Variants in ZNF678 observed in about 807,000 individuals in gnomAD.
ZNF678 encodes hypothetical protein MGC42493.
A neutral mutation model predicts 3.0 loss-of-function variants in ZNF678; 5 were observed. The observed-to-expected ratio is 1.69, with a 90% CI of 0.88 to 3.56. The LOEUF (loss-of-function observed/expected upper bound fraction) is 3.56, where lower values mean the gene tolerates loss of function less well. ZNF678 is among the 30% of genes most tolerant of loss of function. The pLI is 0.00. For missense variants in ZNF678, 593 were observed against 605.0 expected, an observed-to-expected ratio of 0.98 and a Z score of 0.21; for synonymous variants, 218 against 199.6, an observed-to-expected ratio of 1.09 and a Z score of -0.78.
chr1:227,584,461 G>A (rs373902325), intron 1 of ZNF678, among the ~76,000 whole-genome samples: 31 of 152,088 alleles, frequency 2.0e-4, no homozygotes, highest in African/African-American at 7.0e-4. Flanking sequence ...ACTACAGCTA[G>A]GTATTTACCT....
intron 5 of ZNF678, among the ~76,000 whole-genome samples, chr1:227,673,233 A>G (rs1260533150): frequency 6.6e-6 from 1 of 151,638 alleles, no homozygotes; most frequent in African/African-American, 2.4e-5. Flanking sequence ...ATAATTTTTC[A>G]CCTCTGAGCC....
intron 1 of ZNF678, among the ~76,000 whole-genome samples, chr1:227,572,724 A>G (rs570812398): frequency 2.0e-5 from 3 of 152,352 alleles, no homozygotes; most frequent in Admixed American, 2.0e-4. Flanking sequence ...CTCACTAGCC[A>G]TGGAAAGAGC....
chr1:227,616,163 A>C (rs1282050380), intron 1 of ZNF678, among the ~76,000 whole-genome samples: 1 of 152,080 alleles, frequency 6.6e-6, no homozygotes, highest in Non-Finnish European at 1.5e-5. Flanking sequence ...CTGTTTACCT[A>C]TTTTCTTACC....
intron 1 of ZNF678, among the ~76,000 whole-genome samples, chr1:227,604,447 A>G (rs1212524956): frequency 6.6e-6 from 1 of 152,074 alleles, no homozygotes; most frequent in Non-Finnish European, 1.5e-5. Flanking sequence ...GTGCAATGGC[A>G]TGCTTATGGC....
rs572906797 is a variant in ZNF678, at chr1:227,591,397, A to G, written c.-164+27673A>G. ...TTTTTAAATTTAAGTAGCCTAAATG[A>G]CACAAGACCAGTATCTACATTTATT... On this transcript the variant is annotated intron_variant, in intron 1 of 3. Coordinates refer to ENST00000343776, the MANE Select transcript of ZNF678 (RefSeq NM_001367909.1). Among the ~76,000 whole-genome samples the G allele has an allele frequency of 7.2e-5, 11 of 152,320 alleles. No individual in the cohort carries two copies. In the South Asian group the frequency reaches 2.3e-3, roughly 32 times the overall value.
chr1:227,591,979 G>A (rs897019475), intron 1 of ZNF678, among the ~76,000 whole-genome samples: 1 of 152,132 alleles, frequency 6.6e-6, no homozygotes, highest in Non-Finnish European at 1.5e-5. Flanking sequence ...CTGGAGGAGG[G>A]CTTGTCTTCT....
Position 227,655,290 on chromosome 1 carries a change from A to G in ZNF678, c.1040A>G (p.Lys347Arg), listed in dbSNP as rs1486678857. The G allele has an allele frequency of 4.3e-6, 7 of 1,611,300 alleles. No homozygotes were observed. Among genetic ancestry groups the G allele is most frequent in the Non-Finnish European group, 5.9e-6 (7 of 1,178,310 alleles). The stretch of plus-strand genomic sequence containing the variant: ...CATAAGAGAATTCATACTGGAGAGA[A>G]ACCCTACAAATGTGAAGAATGTGGC... ...SSHKRIHTGE[K>R]PYKCEECGRT... Residue 347 changes from lysine to arginine, a missense_variant, in exon 4 of 4, where the codon AAA becomes AGA. Lys to Arg is a conservative substitution (Grantham distance 26). Transcript: ENST00000343776.
chr1:227,655,353 A>G lies in ZNF678; in HGVS notation c.1103A>G (p.Lys368Arg). 1 of 1,612,552 alleles carries G rather than the reference A, an allele frequency of 6.2e-7. No individual in the cohort carries two copies. The highest frequency in any genetic ancestry group is 8.5e-7 in the Non-Finnish European group (1 of 1,179,356). ...CAATTCTCAAACCTCACTCAGCATAAAAGAATTCATACTGGAGAGAAACCC... is the reference window on the plus strand; with the variant it reads ...CAATTCTCAAACCTCACTCAGCATAGAAGAATTCATACTGGAGAGAAACCC... ...FTQFSNLTQH[K>R]RIHTGEKPYK... Residue 368 changes from lysine (K) to arginine (R), a missense_variant, in exon 4 of 4, where the codon AAA becomes AGA. By Grantham distance (26) the Lys-to-Arg change is conservative. Coordinates refer to ENST00000343776, the MANE Select transcript of ZNF678 (RefSeq NM_001367909.1).
Position 227,648,643 on chromosome 1 carries a change from C to A in ZNF678, c.-37+1973C>A, listed in dbSNP as rs115934447. 8.8e-3 allele frequency among the ~76,000 whole-genome samples: 1,333 copies of A among 152,118 alleles called. 21 individuals carry two copies. Among genetic ancestry groups the A allele is most frequent in the African/African-American group, 0.031 (1,277 of 41,476 alleles). ...TACCAGCCTGGCCAACATAATGAAA[C>A]CCCATCTGTACTAAAAAAAACAAAA... On this transcript the variant is annotated intron_variant, in intron 2 of 3. Transcript: ENST00000343776.
intron 1 of ZNF678, among the ~76,000 whole-genome samples, chr1:227,564,698 G>C (rs894497301): frequency 2.0e-5 from 3 of 152,128 alleles, no homozygotes; most frequent in Admixed American, 6.6e-5. Context: ...GAACATTGGA[G>C]GGCACTCTTT....
At chr1:227,669,627 A>G (rs1230203180) in intron 5 of ZNF678, among the ~76,000 whole-genome samples, 1 of 144,416 alleles carries the variant, frequency 6.9e-6, no homozygotes, top group Non-Finnish European at 1.5e-5. Flanking sequence ...CCAGCCTGGG[A>G]GACAGAGCGA....
At position 227,654,679 on chromosome 1, in the gene ZNF678, T is replaced by G; in HGVS notation, c.429T>G (p.His143Gln). The stretch of plus-strand genomic sequence containing the variant: ...ATCGATGTTCAAACCTAACAAAACA[T>G]AAAAGAATTCATACTGGAGAGAAAC... ...VFNRCSNLTK[H>Q]KRIHTGEKPY... is the part of the protein sequence containing the mutation. Residue 143 changes from histidine to glutamine, a missense_variant, in exon 4 of 4, where the codon CAT becomes CAG. Physicochemically the swap from His to Gln is conservative, Grantham distance 24. Transcript: ENST00000343776. 6.2e-7 allele frequency: 1 copy of G among 1,613,090 alleles called. No homozygotes were observed. The highest frequency in any genetic ancestry group is 8.5e-7 in the Non-Finnish European group (1 of 1,179,486).
intron 5 of ZNF678, among the ~76,000 whole-genome samples, chr1:227,671,108 ACT>A (rs1659594148): frequency 7.7e-6 from 1 of 130,154 alleles, no homozygotes; most frequent in Non-Finnish European, 1.6e-5. Context: ...ACAGGATCTC[ACT>A]CTGTTGCTCA....
At chr1:227,583,434 G>A (rs758406995) in intron 1 of ZNF678, among the ~76,000 whole-genome samples, 26 of 143,428 alleles carry the variant, frequency 1.8e-4, no homozygotes, top group Non-Finnish European at 3.1e-4. Flanking sequence ...TCCCTGCAAC[G>A]TCCACCTCCC....
chr1:227,608,356 A>C (rs1003931675), intron 1 of ZNF678, among the ~76,000 whole-genome samples: 4 of 152,130 alleles, frequency 2.6e-5, no homozygotes, highest in Non-Finnish European at 4.4e-5. Flanking sequence ...AGCTATCTTA[A>C]AATAGGTAAA....
At chr1:227,668,592 T>G (rs1296249419) in intron 5 of ZNF678, among the ~76,000 whole-genome samples, 1 of 152,202 alleles carries the variant, frequency 6.6e-6, no homozygotes. Flanking sequence ...GAGTTGGGCA[T>G]GAGTATATGA....
chr1:227,650,062 T>C (rs1250826903), intron 2 of ZNF678, among the ~76,000 whole-genome samples: 1 of 152,186 alleles, frequency 6.6e-6, no homozygotes, highest in African/African-American at 2.4e-5. Flanking sequence ...CCTGTACTTT[T>C]GATGTCATAT....
At chr1:227,617,600 G>A (rs966366730) in intron 1 of ZNF678, among the ~76,000 whole-genome samples, 4 of 152,138 alleles carry the variant, frequency 2.6e-5, no homozygotes, top group Admixed American at 2.0e-4. Flanking sequence ...TTTGGGTTGT[G>A]CGCCTACCTC....
At chr1:227,676,572 G>A (rs540484882) in intron 5 of ZNF678, among the ~76,000 whole-genome samples, 2 of 151,988 alleles carry the variant, frequency 1.3e-5, no homozygotes, top group Non-Finnish European at 2.9e-5. Flanking sequence ...TGCACAACGT[G>A]CAGGTTTGTT....
Sources: gnomAD v4.1 joint callset for allele counts (sites outside exome capture counted in the v4.1 genomes callset) on GRCh38, gnomAD v4.1.1 for gene constraint, MANE v1.5 for transcripts, NCBI Gene and HGNC (gene_info 2026-07-23, HGNC 2026-07-21) for gene names.